The following RABGAP1L variants were observed in gnomAD, a reference collection of about 807,000 sequenced individuals.
The protein encoded by RABGAP1L is rab GTPase-activating protein 1-like.
In RABGAP1L, 63 loss-of-function variants were observed where a neutral mutation model predicts 137.7. That is an observed-to-expected ratio of 0.46 (90% CI 0.37 to 0.56). RABGAP1L has a LOEUF of 0.56. RABGAP1L is among the 20% of genes least tolerant of loss of function. The pLI is 0.00. For missense variants in RABGAP1L, 1,095 were observed against 1,244.0 expected (o/e 0.88, Z 1.80); for synonymous variants, 431 against 433.7 (o/e 0.99, Z 0.08).
intron 13 of RABGAP1L, among the ~76,000 whole-genome samples, chr1:174,627,581 C>T (rs1439105958): frequency 6.6e-6 from 1 of 152,170 alleles, no homozygotes. Context: ...TTAAGCTGAT[C>T]TTCAACAAGC....
intron 13 of RABGAP1L, among the ~76,000 whole-genome samples, chr1:174,557,056 C>T (rs767084077): frequency 2.6e-5 from 4 of 152,188 alleles, no homozygotes; most frequent in African/African-American, 4.8e-5. Context: ...GGGACTAACT[C>T]GCATTCGCAT....
chr1:174,164,565 C>T (rs1400199288), intron 1 of RABGAP1L, among the ~76,000 whole-genome samples: 2 of 152,180 alleles, frequency 1.3e-5, no homozygotes, highest in African/African-American at 4.8e-5. Flanking sequence ...TCCTATCTAG[C>T]TCTTTGTCCA....
intron 7 of RABGAP1L, among the ~76,000 whole-genome samples, chr1:174,270,616 C>A (rs1204824278): frequency 1.3e-5 from 2 of 151,730 alleles, no homozygotes; most frequent in South Asian, 4.1e-4. Flanking sequence ...TAAAAAAAAT[C>A]TTTTTCTGCC....
At chr1:174,368,974 T>TG in intron 11 of RABGAP1L, among the ~76,000 whole-genome samples, 1 of 152,326 alleles carries the variant, frequency 6.6e-6, no homozygotes, top group East Asian at 1.9e-4. Context: ...TCCTAGATTT[T>TG]GGTCTCTAAT....
intron 14 of RABGAP1L, among the ~76,000 whole-genome samples, chr1:174,651,837 T>G (rs138274131): frequency 0.21 from 32,126 of 152,092 alleles, 3,727 homozygotes; most frequent in Admixed American, 0.25. Context: ...CCATTTACAT[T>G]TAAAGTTAAT....
chr1:174,190,498 A>G (rs1356506671), intron 1 of RABGAP1L, among the ~76,000 whole-genome samples: 1 of 152,180 alleles, frequency 6.6e-6, no homozygotes, highest in Non-Finnish European at 1.5e-5. Context: ...CTAGTTTCAT[A>G]CTTTTCTTCT....
At chr1:174,681,708 T>G (rs370286779) in intron 14 of RABGAP1L, among the ~76,000 whole-genome samples, 1 of 151,804 alleles carries the variant, frequency 6.6e-6, no homozygotes, top group Non-Finnish European at 1.5e-5. Context: ...ATCAATAAAG[T>G]TTATGTTTTT....
intron 1 of RABGAP1L, among the ~76,000 whole-genome samples, chr1:174,180,199 G>C (rs1204443800): frequency 2.0e-5 from 3 of 152,152 alleles, no homozygotes; most frequent in Non-Finnish European, 2.9e-5. Flanking sequence ...CACACACACA[G>C]GATTTGGAGT....
intron 20 of RABGAP1L, among the ~76,000 whole-genome samples, chr1:174,959,532 T>G (rs912610645): frequency 3.3e-5 from 5 of 152,216 alleles, no homozygotes; most frequent in Non-Finnish European, 7.3e-5. Flanking sequence ...CATGTAAGAT[T>G]ATCAATATGT....
chr1:174,836,779 ATGAGGTAAATTCAGTTCCCTATGC>A (rs1692796608), intron 19 of RABGAP1L, among the ~76,000 whole-genome samples: 2 of 152,216 alleles, frequency 1.3e-5, no homozygotes, highest in Admixed American at 1.3e-4. Context: ...GAGGGAAGGT[ATGAGGTAAATTCAGTTCCCTATGC>A]TGAACACCCA....
chr1:174,179,705 A>C (rs1481379487), intron 1 of RABGAP1L, among the ~76,000 whole-genome samples: 1 of 152,218 alleles, frequency 6.6e-6, no homozygotes, highest in Non-Finnish European at 1.5e-5. Context: ...ACATTAGCAC[A>C]GTGAAAAAAG....
intron 18 of RABGAP1L, 76 bp downstream of exon 18, chr1:174,752,430 C>A: frequency 1.9e-6 from 2 of 1,073,042 alleles, no homozygotes; most frequent in Non-Finnish European, 2.7e-6. Flanking sequence ...ATTCAATTTA[C>A]AGTCTTTGAC....
chr1:174,312,072 T>C (rs1361146110), intron 11 of RABGAP1L, among the ~76,000 whole-genome samples: 1 of 152,252 alleles, frequency 6.6e-6, no homozygotes, highest in Non-Finnish European at 1.5e-5. Flanking sequence ...ACATATCTTT[T>C]TGCTACACTG....
chr1:174,654,632 T>TA (rs1362879557), intron 14 of RABGAP1L, among the ~76,000 whole-genome samples: 6 of 151,924 alleles, frequency 3.9e-5, no homozygotes, highest in East Asian at 1.9e-4. Context: ...ACAATTTTTT[T>TA]AAAAAAAATA....
chr1:174,168,654 T>C (rs1665107931), intron 1 of RABGAP1L, among the ~76,000 whole-genome samples: 1 of 152,214 alleles, frequency 6.6e-6, no homozygotes, highest in African/African-American at 2.4e-5. Context: ...CATTCCTTTT[T>C]TCCTTCTGTA....
intron 11 of RABGAP1L, among the ~76,000 whole-genome samples, chr1:174,341,934 A>G (rs1029476112): frequency 6.6e-6 from 1 of 152,174 alleles, no homozygotes; most frequent in African/African-American, 2.4e-5. Context: ...TAAATGATGG[A>G]TAACTGAACT....
chr1:174,521,574 A>G (rs1663397293), intron 13 of RABGAP1L, among the ~76,000 whole-genome samples: 1 of 152,224 alleles, frequency 6.6e-6, no homozygotes, highest in Non-Finnish European at 1.5e-5. Flanking sequence ...AGAAGTTTTT[A>G]AATAAATAAA....
intron 13 of RABGAP1L, among the ~76,000 whole-genome samples, chr1:174,507,331 T>A (rs74126818): frequency 0.035 from 5,282 of 152,236 alleles, 121 homozygotes; most frequent in Middle Eastern, 0.088. Flanking sequence ...ATTAGGCTTG[T>A]TGGTGTAGGG....
chr1:174,880,856 G>A (rs757622604), intron 19 of RABGAP1L, among the ~76,000 whole-genome samples: 15 of 152,170 alleles, frequency 9.9e-5, no homozygotes, highest in South Asian at 4.2e-4. Context: ...CAGAGTGGTG[G>A]GATTACATGT....
Sources: gnomAD v4.1 joint callset for allele counts (sites outside exome capture counted in the v4.1 genomes callset) on GRCh38, gnomAD v4.1.1 for gene constraint, MANE v1.5 for transcripts, NCBI Gene and HGNC (gene_info 2026-07-23, HGNC 2026-07-21) for gene names.